TBC1D22B: variants seen among roughly 807,000 people sequenced by gnomAD.
The protein encoded by TBC1D22B is TBC1 domain family member 22B.
TBC1D22B carries 32 observed loss-of-function variants against 69.1 expected under a neutral mutation model. The observed-to-expected ratio is 0.46, with a 90% CI of 0.35 to 0.62. The LOEUF is 0.62. Ranked by LOEUF, TBC1D22B falls within the 20% of genes least tolerant of loss-of-function variation. TBC1D22B has a pLI of 0.00. For synonymous variants in TBC1D22B, 206 were observed against 229.8 expected (o/e 0.90, Z 0.94); for missense variants, 462 against 630.9 (o/e 0.73, Z 2.87).
At chr6:37,258,015 C>A (rs373692996) in intron 1 of TBC1D22B, 42 bp downstream of exon 1, 4 of 1,605,114 alleles carry the variant, frequency 2.5e-6, no homozygotes, top group African/African-American at 2.7e-5. Flanking sequence ...TTGGACCAAA[C>A]CCTTCCAGAT....
chr6:37,298,539 G>GTTTTTTTTTTTTTTTTTTTTTTTTT (rs34996865), intron 8 of TBC1D22B, among the ~76,000 whole-genome samples: 6 of 71,258 alleles, frequency 8.4e-5, no homozygotes, highest in African/African-American at 3.7e-4. Context: ...GTTGCCTACA[G>GTTTTTTTTTTTTTTTTTTTTTTTTT]TTTTTTTTTT....
intron 12 of TBC1D22B, among the ~76,000 whole-genome samples, chr6:37,321,352 T>G (rs934882189): frequency 5.9e-5 from 9 of 152,156 alleles, no homozygotes; most frequent in Non-Finnish European, 4.4e-5. Context: ...ATGGTGGCTG[T>G]TCCCAGGCAA....
At chr6:37,261,823 T>C (rs1326583337) in intron 1 of TBC1D22B, among the ~76,000 whole-genome samples, 1 of 151,182 alleles carries the variant, frequency 6.6e-6, no homozygotes, top group Non-Finnish European at 1.5e-5. Context: ...TCATTTGAGG[T>C]CAGGAGTTCG....
chr6:37,285,272 C>A (rs1766966809), intron 6 of TBC1D22B, among the ~76,000 whole-genome samples: 2 of 147,252 alleles, frequency 1.4e-5, no homozygotes, highest in South Asian at 4.3e-4. Context: ...TAAGAACTTT[C>A]AGCTTCAGTT....
chr6:37,297,022 T>G (rs986759246), intron 8 of TBC1D22B, among the ~76,000 whole-genome samples: 1 of 152,162 alleles, frequency 6.6e-6, no homozygotes, highest in South Asian at 2.1e-4. Context: ...AGACAGGGTT[T>G]TGCCATGTTG....
At chr6:37,308,844 T>C (rs1022281527) in intron 8 of TBC1D22B, among the ~76,000 whole-genome samples, 2 of 151,830 alleles carry the variant, frequency 1.3e-5, no homozygotes, top group African/African-American at 4.8e-5. Flanking sequence ...GCATGGAGGC[T>C]CACACCTGTA....
At chr6:37,274,994 T>C (rs1766616274) in intron 2 of TBC1D22B, among the ~76,000 whole-genome samples, 1 of 152,150 alleles carries the variant, frequency 6.6e-6, no homozygotes, top group Admixed American at 6.5e-5. Context: ...GAGATTGCAG[T>C]GAGCCAAGAT....
chr6:37,305,038 A>G (rs939434613), intron 8 of TBC1D22B, among the ~76,000 whole-genome samples: 1 of 152,198 alleles, frequency 6.6e-6, no homozygotes, highest in African/African-American at 2.4e-5. Flanking sequence ...CTGTGCAGTT[A>G]ATTTTTGATA....
chr6:37,316,798 C>T lies in TBC1D22B; in HGVS notation c.1261C>T (p.Arg421Cys), dbSNP rs756927511. 5.0e-6 allele frequency: 8 copies of T among 1,614,194 alleles called. No individual in the cohort carries two copies. Among genetic ancestry groups the T allele is most frequent in the Middle Eastern group, 1.6e-4 (1 of 6,062 alleles). The change falls in exon 11 of 13, where the codon CGC becomes TGC. Residue 421 changes from arginine (R) to cysteine (C), a missense_variant. By Grantham distance (180) the Arg-to-Cys change is radical (BLOSUM62 -3). Around this residue, in one of 2 missense-constraint regions of TBC1D22B, gnomAD observed 225 missense variants for 375.4 expected, o/e 0.60. Transcript: ENST00000373491. Reference protein sequence around the residue: ...NNLLMRELPLRCTIRLWDTYQ... With the variant: ...NNLLMRELPLCCTIRLWDTYQ... ...CCTGCTTATGCGGGAGCTTCCTCTT[C>T]GCTGCACCATCCGCCTGTGGGACAC...
At chr6:37,279,020 C>T (rs774820585) in intron 2 of TBC1D22B, among the ~76,000 whole-genome samples, 7 of 152,174 alleles carry the variant, frequency 4.6e-5, no homozygotes, top group East Asian at 1.9e-4. Flanking sequence ...GTCCATTGGC[C>T]GGTATTGGTC....
intron 2 of TBC1D22B, 136 bp downstream of exon 2, chr6:37,269,786 A>G (rs962488820): frequency 4.1e-5 from 31 of 757,416 alleles, no homozygotes; most frequent in Non-Finnish European, 6.2e-5. Context: ...GAGATGAGCA[A>G]TGTTCTTACT....
chr6:37,300,612 T>G (rs74398503), intron 8 of TBC1D22B, among the ~76,000 whole-genome samples: 1 of 152,054 alleles, frequency 6.6e-6, no homozygotes, highest in Non-Finnish European at 1.5e-5. Flanking sequence ...TCCACCCACC[T>G]TGGCCTCCCA....
intron 8 of TBC1D22B, among the ~76,000 whole-genome samples, chr6:37,306,674 A>T (rs1010476232): frequency 1.3e-5 from 2 of 152,162 alleles, no homozygotes; most frequent in African/African-American, 4.8e-5. Flanking sequence ...AATAGTGAAA[A>T]CTTGGTGGTA....
At chr6:37,330,530 C>A (rs558507765) in intron 12 of TBC1D22B, among the ~76,000 whole-genome samples, 6 of 152,272 alleles carry the variant, frequency 3.9e-5, no homozygotes, top group African/African-American at 1.2e-4. Flanking sequence ...GCCACCGCGC[C>A]TGGCCTATAT....
intron 2 of TBC1D22B, among the ~76,000 whole-genome samples, chr6:37,270,827 C>G (rs998315328): frequency 6.6e-6 from 1 of 152,192 alleles, no homozygotes; most frequent in African/African-American, 2.4e-5. Flanking sequence ...GCTGCCCTTT[C>G]TTCCTTCACA....
intron 10 of TBC1D22B, among the ~76,000 whole-genome samples, chr6:37,314,817 C>T (rs1768029446): frequency 7.6e-6 from 1 of 130,796 alleles, no homozygotes; most frequent in Admixed American, 9.2e-5. Flanking sequence ...TCTCTTCTTT[C>T]CCAGGTTCTC....
chr6:37,286,630 C>CT (rs1767015161), intron 6 of TBC1D22B, among the ~76,000 whole-genome samples: 1 of 35,188 alleles, frequency 2.8e-5, no homozygotes, highest in African/African-American at 9.6e-5. Flanking sequence ...ATTCCCATTT[C>CT]TTTAAAAAAA....
At chr6:37,325,933 C>G (rs567294497) in intron 12 of TBC1D22B, among the ~76,000 whole-genome samples, 1 of 152,272 alleles carries the variant, frequency 6.6e-6, no homozygotes, top group East Asian at 1.9e-4. Flanking sequence ...GGCATAGCCA[C>G]CAGGTGGCAG....
At chr6:37,263,676 C>T (rs1268246569) in intron 1 of TBC1D22B, among the ~76,000 whole-genome samples, 1 of 152,176 alleles carries the variant, frequency 6.6e-6, no homozygotes, top group South Asian at 2.1e-4. Flanking sequence ...TTCCGCCTCC[C>T]GGGTTCAAGC....
Sources: allele counts gnomAD v4.1 joint callset (sites outside exome capture counted in the v4.1 genomes callset), GRCh38; gene constraint gnomAD v4.1.1; regional missense constraint gnomAD v4.1.1; transcripts MANE v1.5; gene names NCBI Gene and HGNC (gene_info 2026-07-23, HGNC 2026-07-21).